HAPLN1: variants seen among roughly 807,000 people sequenced by gnomAD.
HAPLN1 encodes Cartilage link protein.
In HAPLN1, 13 loss-of-function variants were observed where a neutral mutation model predicts 36.5. The observed-to-expected ratio is 0.36, with a 90% CI of 0.23 to 0.57. The LOEUF is 0.57. HAPLN1 is among the 20% of genes least tolerant of loss of function. The pLI is 0.83. For synonymous variants in HAPLN1, 202 were observed against 169.8 expected (o/e 1.19, Z -1.48); for missense variants, 407 against 439.7 (o/e 0.93, Z 0.66).
At chr5:83,684,039 C>T (rs1288192030) in intron 1 of HAPLN1, among the ~76,000 whole-genome samples, 3 of 151,956 alleles carry the variant, frequency 2.0e-5, no homozygotes, top group African/African-American at 7.3e-5. Flanking sequence ...TGAAAAGAGG[C>T]CAAGGAGTAG....
intron 1 of HAPLN1, among the ~76,000 whole-genome samples, chr5:83,715,616 C>T (rs1751899426): frequency 6.6e-6 from 1 of 152,146 alleles, no homozygotes; most frequent in Non-Finnish European, 1.5e-5. Context: ...TAGTTTCATA[C>T]TGGTGGACAA....
chr5:83,651,348 T>A (rs1750056327), intron 3 of HAPLN1, among the ~76,000 whole-genome samples: 1 of 152,182 alleles, frequency 6.6e-6, no homozygotes, highest in Non-Finnish European at 1.5e-5. Flanking sequence ...GATGACCTAC[T>A]GTCTTCTCTA....
At chr5:83,706,104 G>GAA (rs200981513) in intron 1 of HAPLN1, among the ~76,000 whole-genome samples, 67 of 126,670 alleles carry the variant, frequency 5.3e-4, no homozygotes, top group Middle Eastern at 4.0e-3. Context: ...CCTACCAATC[G>GAA]AAAAAAAAAA....
At position 83,711,027 on chromosome 5, in the gene HAPLN1, G is replaced by T. The variant is rs191218140; in HGVS notation, c.-27+9762C>A. Among the ~76,000 whole-genome samples the T allele has an allele frequency of 8.7e-4, 132 of 152,212 alleles. 1 individual carries two copies. Among genetic ancestry groups the T allele is most frequent in the African/African-American group, 3.1e-3 (127 of 41,548 alleles). The stretch of plus-strand genomic sequence containing the variant: ...AGAGAGAATAGATCTAATAAATAGA[G>T]ATTTATCCAAGAAAACTGGAGGAAA... On this transcript the variant is annotated intron_variant, in intron 1 of 4. Transcript: ENST00000274341.
At position 83,673,474 on chromosome 5, in the gene HAPLN1, T is replaced by A. The variant is rs1470063049; in HGVS notation, c.50A>T (p.His17Leu). 2.5e-6 allele frequency: 4 copies of A among 1,613,838 alleles called. No homozygotes were observed. Among genetic ancestry groups the A allele is most frequent in the Non-Finnish European group, 3.4e-6 (4 of 1,179,878 alleles). The change falls in exon 2 of 5, where the codon CAT (histidine) becomes CTT (leucine). Residue 17 changes from histidine to leucine, a missense_variant. His to Leu is a moderately conservative substitution (Grantham distance 99). Coordinates refer to ENST00000274341, the MANE Select transcript of HAPLN1 (RefSeq NM_001884.4). ...ATCCAGAGTATAGTTGTCTGAAAGATGATCAGCCCAGCAGATTGAAATCAG... is the reference window on the plus strand; with the variant it reads ...ATCCAGAGTATAGTTGTCTGAAAGAAGATCAGCCCAGCAGATTGAAATCAG... ...LVLISICWAD[H>L]LSDNYTLDHD...
At chr5:83,714,688 C>T (rs945512507) in intron 1 of HAPLN1, among the ~76,000 whole-genome samples, 3 of 152,178 alleles carry the variant, frequency 2.0e-5, no homozygotes, top group Non-Finnish European at 4.4e-5. Context: ...TTCATCTCCA[C>T]GACTTTGAGG....
intron 1 of HAPLN1, among the ~76,000 whole-genome samples, chr5:83,698,712 T>C: frequency 6.6e-6 from 1 of 152,202 alleles, no homozygotes; most frequent in Non-Finnish European, 1.5e-5. Context: ...TCAAAAATTC[T>C]ATTTTATAAT....
At chr5:83,718,912 G>A (rs1280471538) in intron 1 of HAPLN1, among the ~76,000 whole-genome samples, 1 of 152,170 alleles carries the variant, frequency 6.6e-6, no homozygotes, top group Non-Finnish European at 1.5e-5. Flanking sequence ...GAAGTGCATT[G>A]CTATCTTAAG....
chr5:83,713,383 T>C (rs1041563332), intron 1 of HAPLN1, among the ~76,000 whole-genome samples: 6 of 152,202 alleles, frequency 3.9e-5, no homozygotes, highest in Admixed American at 2.0e-4. Flanking sequence ...TCCAACTGAG[T>C]GGATATTTAT....
At chr5:83,673,572 G>A (rs1309722025) in intron 1 of HAPLN1, 23 bp from the exon 2 acceptor site, 2 of 1,367,536 alleles carry the variant, frequency 1.5e-6, no homozygotes, top group Non-Finnish European at 2.1e-6. Flanking sequence ...CACATACAAA[G>A]AGGCTTGTGA....
In HAPLN1 at chr5:83,653,383, T is replaced by C. The variant is rs77459774; in HGVS notation, c.101-559A>G. On this transcript the variant is annotated intron_variant, in intron 2 of 4. Coordinates refer to ENST00000274341, the MANE Select transcript of HAPLN1 (RefSeq NM_001884.4). ...CACATTTATGGCTTCTAGTCAAATA[T>C]ACACCTGTGTTAGGCTCTTCTGAAA... Among the ~76,000 whole-genome samples, 252 of 152,354 alleles carry C rather than the reference T, an allele frequency of 1.7e-3. 1 individual carries two copies. The East Asian group carries it at 0.021, about 12-fold the overall frequency.
chr5:83,672,480 A>T (rs1186047160), intron 2 of HAPLN1, among the ~76,000 whole-genome samples: 1 of 152,238 alleles, frequency 6.6e-6, no homozygotes, highest in Non-Finnish European at 1.5e-5. Flanking sequence ...AGCTAGACAT[A>T]GACAAATTCA....
intron 2 of HAPLN1, among the ~76,000 whole-genome samples, chr5:83,661,431 G>GCTT (rs1750383782): frequency 8.5e-6 from 1 of 117,640 alleles, no homozygotes; most frequent in Non-Finnish European, 1.7e-5. Flanking sequence ...TGTGAGAAAA[G>GCTT]CTTCTTTTTT....
At position 83,711,513 on chromosome 5, in the gene HAPLN1, A is replaced by G. The variant is rs562381586; in HGVS notation, c.-27+9276T>C. On this transcript the variant is annotated intron_variant, in intron 1 of 4. Transcript: ENST00000274341. ...AGAACGCTGGCAAGCATGATGGACA[A>G]GAAAGAAAGAAGTGAAGATGAAAGG... is the stretch of plus-strand genomic sequence containing the variant. 1.1e-3 allele frequency among the ~76,000 whole-genome samples: 161 copies of G among 152,332 alleles called. 1 individual carries two copies. The highest frequency in any genetic ancestry group is 3.7e-3 in the African/African-American group (155 of 41,572).
intron 1 of HAPLN1, among the ~76,000 whole-genome samples, chr5:83,696,804 ATCAG>A (rs1183147292): frequency 6.6e-6 from 1 of 152,180 alleles, no homozygotes; most frequent in African/African-American, 2.4e-5. Context: ...GTCCATGCTC[ATCAG>A]TCACTTACAT....
intron 2 of HAPLN1, among the ~76,000 whole-genome samples, chr5:83,663,499 C>T (rs1750469120): frequency 6.6e-6 from 1 of 152,136 alleles, no homozygotes; most frequent in African/African-American, 2.4e-5. Context: ...CTCATCTGGT[C>T]CCATAGTTAT....
At chr5:83,695,813 A>G (rs1027993875) in intron 1 of HAPLN1, among the ~76,000 whole-genome samples, 4 of 151,830 alleles carry the variant, frequency 2.6e-5, no homozygotes, top group Non-Finnish European at 5.9e-5. Flanking sequence ...CACAGCTAAC[A>G]TCATACTTAA....
rs563740971 is a variant in HAPLN1, at chr5:83,715,159, G to A, written c.-27+5630C>T. 2.0e-5 allele frequency among the ~76,000 whole-genome samples: 3 copies of A among 152,292 alleles called. No individual in the cohort carries two copies. The South Asian group carries it at 6.2e-4, about 32-fold the overall frequency. ...ACACCCTTTGGTGTAAGGATGGGAA[G>A]GCTCCCAGATGTTTAAAATTCTTTT... On this transcript the variant is annotated intron_variant, in intron 1 of 4. Transcript: ENST00000274341.
At chr5:83,681,756 C>T (rs1751007083) in intron 1 of HAPLN1, among the ~76,000 whole-genome samples, 1 of 152,148 alleles carries the variant, frequency 6.6e-6, no homozygotes, top group South Asian at 2.1e-4. Flanking sequence ...AATAACTCTC[C>T]TCTTCATATT....
Sources: allele counts gnomAD v4.1 joint callset (sites outside exome capture counted in the v4.1 genomes callset), GRCh38; gene constraint gnomAD v4.1.1; transcripts MANE v1.5; gene names NCBI Gene and HGNC (gene_info 2026-07-23, HGNC 2026-07-21).